The following KCNJ16 variants were observed in gnomAD, a reference collection of about 807,000 sequenced individuals.
KCNJ16 encodes potassium inwardly rectifying channel subfamily J member 16.
In KCNJ16, 15 loss-of-function variants were observed where a neutral mutation model predicts 18.5. That is an observed-to-expected ratio of 0.81 (90% CI 0.54 to 1.25). KCNJ16 has a LOEUF of 1.25. Among genes scored for constraint, KCNJ16 ranks in the 50% most tolerant of loss-of-function variants. The pLI is 0.00. For missense variants in KCNJ16, 523 were observed against 525.7 expected, an observed-to-expected ratio of 0.99 and a Z score of 0.05; for synonymous variants, 174 against 186.5, an observed-to-expected ratio of 0.93 and a Z score of 0.55.
chr17:70,097,115 T>A (rs1424628857), intron 1 of KCNJ16, among the ~76,000 whole-genome samples: 1 of 152,208 alleles, frequency 6.6e-6, no homozygotes, highest in Non-Finnish European at 1.5e-5. Context: ...TGTGCACTTT[T>A]GTTAATGTGA....
Position 70,133,878 on chromosome 17 carries a change from C to T in KCNJ16, c.*534C>T, listed in dbSNP as rs1040169406. On this transcript the variant is annotated 3_prime_UTR_variant, in exon 4 of 4. Transcript: ENST00000392671. ...AAGTCACTAGGTTTGCCACTTGGAC[C>T]GTCTTGGTTTCAGCGAGCATAGCGA... 1.8e-5 allele frequency: 3 copies of T among 167,580 alleles called. No homozygotes were observed. Among genetic ancestry groups the T allele is most frequent in the African/African-American group, 7.2e-5 (3 of 41,442 alleles). 10.4% of individuals were successfully genotyped at this position (167,580 alleles called of 1,614,324 possible).
chr17:70,107,098 G>T (rs1408022661), intron 2 of KCNJ16, among the ~76,000 whole-genome samples: 1 of 152,128 alleles, frequency 6.6e-6, no homozygotes, highest in Non-Finnish European at 1.5e-5. Flanking sequence ...GAGATACCTA[G>T]TATTTTACAA....
intron 1 of KCNJ16, among the ~76,000 whole-genome samples, chr17:70,088,478 G>A (rs1234732687): frequency 1.3e-5 from 2 of 152,200 alleles, no homozygotes; most frequent in Non-Finnish European, 2.9e-5. Flanking sequence ...CCGGTCCCTG[G>A]CCTGGGGGTT....
At chr17:70,084,356 C>A (rs2071695846) in intron 1 of KCNJ16, among the ~76,000 whole-genome samples, 1 of 152,100 alleles carries the variant, frequency 6.6e-6, no homozygotes, top group African/African-American at 2.4e-5. Context: ...ATTGAAGAGT[C>A]CATTAAGTGG....
chr17:70,133,084 G>T lies in KCNJ16; in HGVS notation c.997G>T (p.Glu333Ter), dbSNP rs908055201. ...CTGCTTACAGTTTGAAGGAAGTGTG[G>T]AAGTATATGCCCCCTTTTGCAGTGC... The part of the protein sequence containing the change: ...VNCLQFEGSV[E>*]VYAPFCSAKQ... The change falls in exon 4 of 4, where the codon GAA becomes TAA. Residue 333 changes from glutamate (E) to a stop codon, truncating the protein, a stop_gained. Coordinates refer to ENST00000392671, the MANE Select transcript of KCNJ16 (RefSeq NM_170741.4). LOFTEE classifies it low-confidence loss of function (END_TRUNC). 7.4e-6 allele frequency: 12 copies of T among 1,614,038 alleles called. No homozygotes were observed. Among genetic ancestry groups the T allele is most frequent in the Non-Finnish European group, 1.0e-5 (12 of 1,180,028 alleles).
At chr17:70,111,158 A>G (rs2073169486) in intron 2 of KCNJ16, among the ~76,000 whole-genome samples, 1 of 152,242 alleles carries the variant, frequency 6.6e-6, no homozygotes, top group Non-Finnish European at 1.5e-5. Flanking sequence ...TGAGTGTGAC[A>G]TTAACCATTA....
chr17:70,090,760 A>G (rs2072050746), intron 1 of KCNJ16, among the ~76,000 whole-genome samples: 6 of 152,120 alleles, frequency 3.9e-5, no homozygotes, highest in Admixed American at 3.9e-4. Context: ...AATACCGCTA[A>G]CCCACTCACA....
intron 1 of KCNJ16, among the ~76,000 whole-genome samples, chr17:70,098,866 A>G (rs1156607001): frequency 6.6e-6 from 1 of 152,212 alleles, no homozygotes; most frequent in East Asian, 1.9e-4. Context: ...ATTAAAATAT[A>G]TAACATTTTT....
rs1246932148 is a variant in KCNJ16 at position 70,135,519 on chromosome 17, T to TATATCTC, written c.*2176_*2182dup. 1 of 167,026 alleles carries TATATCTC rather than the reference T, an allele frequency of 6.0e-6. No individual in the cohort carries two copies. Among genetic ancestry groups the TATATCTC allele is most frequent in the Non-Finnish European group, 1.5e-5 (1 of 68,132 alleles). 10.3% of individuals were successfully genotyped at this position (167,026 alleles called of 1,614,324 possible). ...GTAAAATCAGCATTTCTATGTAACATATATCTCTAATTATCTGTGTAATTT... is the reference window on the plus strand; with the variant it reads ...GTAAAATCAGCATTTCTATGTAACATATATCTCATATCTCTAATTATCTGTGTAATTT... On this transcript the variant is annotated 3_prime_UTR_variant, in exon 4 of 4. Coordinates refer to ENST00000392671, the MANE Select transcript of KCNJ16 (RefSeq NM_170741.4).
At chr17:70,110,478 G>GCACACACACACA (rs1555592321) in intron 2 of KCNJ16, among the ~76,000 whole-genome samples, 2 of 122,242 alleles carry the variant, frequency 1.6e-5, no homozygotes, top group Non-Finnish European at 3.4e-5. Flanking sequence ...CACACTTCGT[G>GCACACACACACA]CGCGCACACA....
At chr17:70,094,474 A>G (rs8065574) in intron 1 of KCNJ16, among the ~76,000 whole-genome samples, 129,050 of 152,102 alleles carry the variant, frequency 0.85, 54,820 homozygotes, top group East Asian at 0.96. Context: ...AAATTGTAAA[A>G]GTTGAAAGAA....
At chr17:70,124,373 T>C (rs1311547422) in intron 2 of KCNJ16, among the ~76,000 whole-genome samples, 1 of 152,188 alleles carries the variant, frequency 6.6e-6, no homozygotes, top group Non-Finnish European at 1.5e-5. Context: ...CAATTCTGTT[T>C]TCCGGTGCCT....
At chr17:70,128,276 A>C (rs2073928043) in intron 2 of KCNJ16, 1 of 152,236 alleles carries the variant, frequency 6.6e-6, no homozygotes, top group Non-Finnish European at 1.5e-5. Context: ...AAATACAAAG[A>C]TTTAGAAAGC....
chr17:70,103,348 G>A (rs140066128), intron 2 of KCNJ16, among the ~76,000 whole-genome samples: 4,327 of 63,260 alleles, frequency 0.068, 106 homozygotes, highest in Non-Finnish European at 0.099. Flanking sequence ...ATATTTTTTT[G>A]TCAAGACAGC....
At chr17:70,098,052 C>T (rs896546344) in intron 1 of KCNJ16, among the ~76,000 whole-genome samples, 8 of 152,174 alleles carry the variant, frequency 5.3e-5, no homozygotes, top group African/African-American at 1.9e-4. Context: ...AATTCTTTAA[C>T]ATGAATTACC....
chr17:70,083,275 G>A (rs1319034197), intron 1 of KCNJ16, among the ~76,000 whole-genome samples: 1 of 148,858 alleles, frequency 6.7e-6, no homozygotes, highest in Non-Finnish European at 1.5e-5. Context: ...AAAACTGTGT[G>A]TATATATAAT....
At chr17:70,117,132 C>G (rs1047910985) in intron 2 of KCNJ16, among the ~76,000 whole-genome samples, 1 of 152,038 alleles carries the variant, frequency 6.6e-6, no homozygotes, top group African/African-American at 2.4e-5. Context: ...TAAAAAAGAA[C>G]AAAATAATGT....
intron 1 of KCNJ16, among the ~76,000 whole-genome samples, chr17:70,081,446 G>T (rs1355396996): frequency 1.3e-5 from 2 of 152,102 alleles, no homozygotes; most frequent in Admixed American, 1.3e-4. Flanking sequence ...CATTCAGAGA[G>T]AAAAAACTGA....
Position 70,109,488 on chromosome 17 carries a change from T to C in KCNJ16, c.-191+8722T>C, listed in dbSNP as rs531752215. Among the ~76,000 whole-genome samples, 14 of 152,280 alleles carry C rather than the reference T, an allele frequency of 9.2e-5. No individual in the cohort carries two copies. In the East Asian group the frequency reaches 2.5e-3, roughly 27 times the overall value. On this transcript the variant is annotated intron_variant, in intron 2 of 3. Transcript: ENST00000392671. ...ACCTATTTGATGCAGACTTCTTAGC[T>C]ACATAAATATCTACATACTGCCTAT...
Sources: gnomAD v4.1 joint callset for allele counts (sites outside exome capture counted in the v4.1 genomes callset) on GRCh38, gnomAD v4.1.1 for gene constraint, MANE v1.5 for transcripts, NCBI Gene and HGNC (gene_info 2026-07-23, HGNC 2026-07-21) for gene names.